The following B3GALT1 variants were observed in gnomAD, a reference collection of about 807,000 sequenced individuals.
The protein encoded by B3GALT1 is beta-1,3-galactosyltransferase 1.
In B3GALT1, 10 loss-of-function variants were observed where a neutral mutation model predicts 23.2. That is an observed-to-expected ratio of 0.43 (90% CI 0.27 to 0.73). The LOEUF (loss-of-function observed/expected upper bound fraction) is 0.73, where lower values mean the gene tolerates loss of function less well. Among genes scored for constraint, B3GALT1 ranks in the 30% least tolerant of loss-of-function variants. The pLI, the probability that B3GALT1 is intolerant of heterozygous loss-of-function variation, is 0.21. For synonymous variants in B3GALT1, 156 were observed against 141.5 expected, an observed-to-expected ratio of 1.10 and a Z score of -0.73; for missense variants, 299 against 405.4, an observed-to-expected ratio of 0.74 and a Z score of 2.25.
intron 1 of B3GALT1, among the ~76,000 whole-genome samples, chr2:167,351,028 C>T (rs927251674): frequency 3.3e-5 from 5 of 152,048 alleles, no homozygotes; most frequent in East Asian, 1.9e-4. Context: ...CAGCACTTTG[C>T]GAGGCCGAGG....
At chr2:167,515,225 A>T (rs1269031788) in intron 2 of B3GALT1, among the ~76,000 whole-genome samples, 1 of 152,142 alleles carries the variant, frequency 6.6e-6, no homozygotes, top group Admixed American at 6.5e-5. Context: ...GAAACATTAG[A>T]GATTTTCCTC....
chr2:167,754,512 A>G (rs906058448), intron 3 of B3GALT1, among the ~76,000 whole-genome samples: 3 of 152,198 alleles, frequency 2.0e-5, no homozygotes, highest in Non-Finnish European at 4.4e-5. Context: ...AATAGAGTGC[A>G]TCCTACTTTT....
chr2:167,564,493 C>G (rs1410226414), intron 2 of B3GALT1, among the ~76,000 whole-genome samples: 3 of 152,178 alleles, frequency 2.0e-5, no homozygotes, highest in Non-Finnish European at 2.9e-5. Context: ...TCTCGGCACC[C>G]TGGGAGGCCA....
intron 3 of B3GALT1, among the ~76,000 whole-genome samples, chr2:167,785,616 T>C (rs1688328909): frequency 1.3e-5 from 2 of 152,220 alleles, no homozygotes; most frequent in Non-Finnish European, 2.9e-5. Flanking sequence ...ATTAGCAATA[T>C]TTTATTTCCT....
intron 3 of B3GALT1, among the ~76,000 whole-genome samples, chr2:167,778,504 T>C (rs1688199450): frequency 6.6e-6 from 1 of 152,200 alleles, no homozygotes; most frequent in Non-Finnish European, 1.5e-5. Flanking sequence ...CAAAGCCAAG[T>C]TGTATTTGTA....
intron 2 of B3GALT1, among the ~76,000 whole-genome samples, chr2:167,526,780 T>C (rs1480795643): frequency 1.3e-5 from 2 of 152,220 alleles, no homozygotes; most frequent in Admixed American, 1.3e-4. Flanking sequence ...TTCTTACTAA[T>C]TGTAAATTCA....
chr2:167,819,080 G>GA (rs1282681036), intron 4 of B3GALT1, among the ~76,000 whole-genome samples: 1 of 151,892 alleles, frequency 6.6e-6, no homozygotes, highest in African/African-American at 2.4e-5. Flanking sequence ...AGATACAGGA[G>GA]AAAAAAACTC....
intron 1 of B3GALT1, among the ~76,000 whole-genome samples, chr2:167,349,142 G>A (rs1035838923): frequency 2.0e-5 from 3 of 152,164 alleles, no homozygotes; most frequent in Non-Finnish European, 4.4e-5. Flanking sequence ...TTACTCATGG[G>A]CAACCATGGT....
At chr2:167,643,056 G>T (rs1056046640) in intron 2 of B3GALT1, among the ~76,000 whole-genome samples, 7 of 152,068 alleles carry the variant, frequency 4.6e-5, no homozygotes, top group African/African-American at 1.7e-4. Flanking sequence ...AGCTTACTTC[G>T]TAAGAATTTT....
At chr2:167,442,684 G>A (rs1286423766) in intron 1 of B3GALT1, among the ~76,000 whole-genome samples, 2 of 149,766 alleles carry the variant, frequency 1.3e-5, no homozygotes, top group East Asian at 3.9e-4. Context: ...CTTCTTTTGA[G>A]AAGTGTCTGT....
chr2:167,718,566 C>A (rs1163385137), intron 3 of B3GALT1, among the ~76,000 whole-genome samples: 1 of 152,096 alleles, frequency 6.6e-6, no homozygotes, highest in East Asian at 1.9e-4. Flanking sequence ...TAACAAGATA[C>A]AAGTCTATTT....
chr2:167,759,140 C>T (rs903523151), intron 3 of B3GALT1, among the ~76,000 whole-genome samples: 3 of 152,158 alleles, frequency 2.0e-5, no homozygotes, highest in Admixed American at 6.5e-5. Flanking sequence ...GAATGACTGA[C>T]GAAACACTGA....
At chr2:167,867,083 C>T (rs553657680) in intron 4 of B3GALT1, among the ~76,000 whole-genome samples, 3 of 152,124 alleles carry the variant, frequency 2.0e-5, no homozygotes, top group Non-Finnish European at 2.9e-5. Context: ...CCCGCCACTA[C>T]GCCTGGCTAA....
chr2:167,427,781 A>G (rs528804320), intron 1 of B3GALT1, among the ~76,000 whole-genome samples: 3 of 152,234 alleles, frequency 2.0e-5, no homozygotes, highest in East Asian at 1.9e-4. Flanking sequence ...CAATCCTCCA[A>G]TCTCAGTCTC....
At chr2:167,729,179 A>G (rs946571090) in intron 3 of B3GALT1, among the ~76,000 whole-genome samples, 1 of 152,230 alleles carries the variant, frequency 6.6e-6, no homozygotes, top group African/African-American at 2.4e-5. Flanking sequence ...TATCAGGGAA[A>G]GGCAGTCTTG....
At chr2:167,446,757 A>T (rs192975255) in intron 1 of B3GALT1, among the ~76,000 whole-genome samples, 2 of 152,086 alleles carry the variant, frequency 1.3e-5, no homozygotes, top group African/African-American at 4.8e-5. Context: ...CTAGTTAGCC[A>T]TTTGTCTAAT....
At chr2:167,558,080 T>C (rs1683886763) in intron 2 of B3GALT1, 1 of 152,212 alleles carries the variant, frequency 6.6e-6, no homozygotes, top group Admixed American at 6.5e-5. Context: ...TACTGAGTTC[T>C]GGTTAAAACT....
At chr2:167,669,155 T>C (rs1242940225) in intron 3 of B3GALT1, among the ~76,000 whole-genome samples, 16 of 152,208 alleles carry the variant, frequency 1.1e-4, no homozygotes, top group Admixed American at 1.0e-3. Context: ...AGAACAGAAT[T>C]GAATGAAGAC....
rs1322050236 is a variant in B3GALT1, at chr2:167,488,210, A to AT, written c.-510-1963dup. ...TTTTAATGACTCAGCAAACACCAAT[A>AT]TTTTCAGCACACATTGGCTTAGGGT... On this transcript the variant is annotated intron_variant, in intron 1 of 4. Coordinates refer to ENST00000392690, the MANE Select transcript of B3GALT1 (RefSeq NM_020981.4). Among the ~76,000 whole-genome samples, 3 of 152,126 alleles carry AT rather than the reference A, an allele frequency of 2.0e-5. No individual in the cohort carries two copies. In the East Asian group the frequency reaches 5.8e-4, roughly 29 times the overall value.
Sources: allele counts gnomAD v4.1 joint callset (sites outside exome capture counted in the v4.1 genomes callset), GRCh38; gene constraint gnomAD v4.1.1; transcripts MANE v1.5; gene names NCBI Gene and HGNC (gene_info 2026-07-23, HGNC 2026-07-21).